CPNE8: variants seen among roughly 807,000 people sequenced by gnomAD.
CPNE8 encodes the protein copine 8.
A neutral mutation model predicts 81.5 loss-of-function variants in CPNE8; 45 were observed. The observed-to-expected ratio is 0.55, with a 90% CI of 0.44 to 0.71. The LOEUF (loss-of-function observed/expected upper bound fraction) is 0.71, where lower values mean the gene tolerates loss of function less well. CPNE8 is among the 30% of genes least tolerant of loss of function. The probability of loss-of-function intolerance (pLI) is 0.00; values close to 1 mark genes in which losing one functional copy is unlikely to be tolerated. For synonymous variants in CPNE8, 252 were observed against 226.3 expected (o/e 1.11, Z -1.02); for missense variants, 594 against 672.1 (o/e 0.88, Z 1.28).
chr12:38,877,598 A>C (rs1249360377), intron 1 of CPNE8, among the ~76,000 whole-genome samples: 1 of 152,176 alleles, frequency 6.6e-6, no homozygotes, highest in Non-Finnish European at 1.5e-5. Flanking sequence ...TACAGTGTAC[A>C]AGTTAGAAAA....
At chr12:38,802,673 G>A (rs1470701545) in intron 6 of CPNE8, among the ~76,000 whole-genome samples, 1 of 151,912 alleles carries the variant, frequency 6.6e-6, no homozygotes, top group East Asian at 1.9e-4. Flanking sequence ...CAGAACTGAA[G>A]GAAATAGAGA....
intron 11 of CPNE8, among the ~76,000 whole-genome samples, chr12:38,727,060 A>C (rs826871): frequency 0.097 from 14,788 of 152,236 alleles, 909 homozygotes; most frequent in East Asian, 0.24. Context: ...AGAATGATAG[A>C]GTAAGGCCCT....
At chr12:38,754,316 C>G (rs796166728) in intron 10 of CPNE8, among the ~76,000 whole-genome samples, 1 of 151,894 alleles carries the variant, frequency 6.6e-6, no homozygotes, top group African/African-American at 2.4e-5. Context: ...TGGTGTTGAA[C>G]GTTTATATAA....
intron 19 of CPNE8, among the ~76,000 whole-genome samples, chr12:38,667,543 G>T (rs1230642130): frequency 6.6e-6 from 1 of 152,166 alleles, no homozygotes; most frequent in Non-Finnish European, 1.5e-5. Flanking sequence ...TATGAAAGTA[G>T]AAATGAGTAC....
At chr12:38,874,221 G>A (rs1944034263) in intron 2 of CPNE8, among the ~76,000 whole-genome samples, 1 of 152,084 alleles carries the variant, frequency 6.6e-6, no homozygotes, top group Non-Finnish European at 1.5e-5. Flanking sequence ...AATGGCCATA[G>A]TACGAGGTTT....
chr12:38,795,486 A>T (rs1235259957), intron 6 of CPNE8, among the ~76,000 whole-genome samples: 1 of 151,772 alleles, frequency 6.6e-6, no homozygotes, highest in African/African-American at 2.4e-5. Context: ...AAATCTATCC[A>T]CAGATGAATG....
chr12:38,806,791 T>A (rs930083699), intron 6 of CPNE8, among the ~76,000 whole-genome samples: 1 of 148,628 alleles, frequency 6.7e-6, no homozygotes, highest in Admixed American at 6.7e-5. Context: ...GGTATTCAAT[T>A]AGGAAAAGAG....
At chr12:38,897,695 A>G (rs898827972) in intron 1 of CPNE8, among the ~76,000 whole-genome samples, 7 of 151,558 alleles carry the variant, frequency 4.6e-5, no homozygotes, top group Admixed American at 4.0e-4. Context: ...ATTAATATAC[A>G]CAGAGAGAAT....
chr12:38,732,948 T>C (rs10876008), intron 10 of CPNE8, among the ~76,000 whole-genome samples: 50,658 of 151,914 alleles, frequency 0.33, 10,123 homozygotes, highest in Non-Finnish European at 0.46. Context: ...GGAGAAAGTA[T>C]GTTGATCACA....
At chr12:38,896,053 T>C (rs867980200) in intron 1 of CPNE8, among the ~76,000 whole-genome samples, 1 of 152,138 alleles carries the variant, frequency 6.6e-6, no homozygotes, top group Non-Finnish European at 1.5e-5. Context: ...TTATACATTG[T>C]CTGACAAAGA....
intron 10 of CPNE8, among the ~76,000 whole-genome samples, chr12:38,739,491 C>T (rs1485788028): frequency 6.6e-6 from 1 of 151,962 alleles, no homozygotes; most frequent in Non-Finnish European, 1.5e-5. Flanking sequence ...GTAACTTGTT[C>T]CTAAAACACA....
At chr12:38,742,320 C>T (rs1941126190) in intron 10 of CPNE8, among the ~76,000 whole-genome samples, 1 of 152,080 alleles carries the variant, frequency 6.6e-6, no homozygotes, top group Non-Finnish European at 1.5e-5. Context: ...AAATGTGGCA[C>T]ATATACACCA....
At chr12:38,905,040 C>A (rs563839130) in intron 1 of CPNE8, among the ~76,000 whole-genome samples, 1 of 152,208 alleles carries the variant, frequency 6.6e-6, no homozygotes, top group Admixed American at 6.5e-5. Flanking sequence ...AGAGGAAGTC[C>A]CGGGCCTAAG....
intron 5 of CPNE8, among the ~76,000 whole-genome samples, chr12:38,836,612 T>A (rs950029508): frequency 3.3e-5 from 5 of 152,214 alleles, no homozygotes; most frequent in Non-Finnish European, 7.4e-5. Flanking sequence ...AAAAAATAAG[T>A]AAGTGCCTTT....
At chr12:38,712,972 A>G (rs1320864637) in intron 13 of CPNE8, among the ~76,000 whole-genome samples, 1 of 152,252 alleles carries the variant, frequency 6.6e-6, no homozygotes, top group Non-Finnish European at 1.5e-5. Flanking sequence ...TTTCAGAAAA[A>G]TAATAGCTAG....
At chr12:38,746,960 A>G (rs1941238993) in intron 10 of CPNE8, among the ~76,000 whole-genome samples, 1 of 152,168 alleles carries the variant, frequency 6.6e-6, no homozygotes, top group African/African-American at 2.4e-5. Context: ...GTTTTTATGA[A>G]GAGAAATAAG....
At chr12:38,864,836 G>T (rs991701440) in intron 3 of CPNE8, among the ~76,000 whole-genome samples, 3 of 152,136 alleles carry the variant, frequency 2.0e-5, no homozygotes, top group Non-Finnish European at 4.4e-5. Flanking sequence ...GATATGTTAT[G>T]ATTATAAAGG....
In CPNE8 at chr12:38,814,559, A is replaced by C. The variant is rs142271994; in HGVS notation, c.407+14820T>G. Among the ~76,000 whole-genome samples, 565 of 151,832 alleles carry C rather than the reference A, an allele frequency of 3.7e-3. 6 individuals are homozygous for C. Among genetic ancestry groups the C allele is most frequent in the African/African-American group, 0.013 (553 of 41,448 alleles). ...GCTGGTCTTGAACTTGTGACCTCAG[A>C]CCTGAATTTTAAAAACCAGTCCTGC... On this transcript the variant is annotated intron_variant, in intron 6 of 19. Transcript: ENST00000331366.
At chr12:38,902,154 T>C (rs1158757105) in intron 1 of CPNE8, among the ~76,000 whole-genome samples, 1 of 64,716 alleles carries the variant, frequency 1.5e-5, no homozygotes, top group Non-Finnish European at 3.3e-5. Context: ...AGAAAGGAAA[T>C]GAAGAAAAGA....
Sources: allele counts gnomAD v4.1 joint callset (sites outside exome capture counted in the v4.1 genomes callset), GRCh38; gene constraint gnomAD v4.1.1; transcripts MANE v1.5; gene names NCBI Gene and HGNC (gene_info 2026-07-23, HGNC 2026-07-21).